Variants in CDH13 observed in about 807,000 individuals in gnomAD.
The protein encoded by CDH13 is cadherin 13.
In CDH13, 24 loss-of-function variants were observed where a neutral mutation model predicts 63.8. The ratio of observed to expected loss-of-function variants is 0.38; its 90% CI spans 0.27 to 0.53. The LOEUF is 0.53. Among genes scored for constraint, CDH13 ranks in the 20% least tolerant of loss-of-function variants. The probability of loss-of-function intolerance (pLI) is 0.85; values close to 1 mark genes in which losing one functional copy is unlikely to be tolerated. For synonymous variants in CDH13, 503 were observed against 355.3 expected, an observed-to-expected ratio of 1.42 and a Z score of -4.67; for missense variants, 1,049 against 903.1, an observed-to-expected ratio of 1.16 and a Z score of -2.07.
At position 83,000,223 on chromosome 16, in the gene CDH13, ATTTTTTTTTTTTTTTTT is replaced by A. The variant is rs746904500; in HGVS notation, c.158-31762_158-31746del. Among the ~76,000 whole-genome samples, 60 of 37,020 alleles carry A rather than the reference ATTTTTTTTTTTTTTTTT, an allele frequency of 1.6e-3. 1 individual carries two copies. The East Asian group carries it at 0.018, about 11-fold the overall frequency. 24.3% of individuals were successfully genotyped at this position (37,020 alleles called of 152,430 possible). A position where few individuals can be genotyped will look rare whatever the true frequency, so the allele number is the denominator to read the frequency against. On this transcript the variant is annotated intron_variant, in intron 2 of 13. Transcript: ENST00000567109. The stretch of plus-strand genomic sequence containing the variant: ...CTAGGAATATCCACAGGTTTAGCTT[ATTTTTTTTTTTTTTTTT>A]TTTTTTTTTTTTTTTTTTTTTTTTG...
intron 10 of CDH13, among the ~76,000 whole-genome samples, chr16:83,707,274 C>CT (rs1411970075): frequency 1.3e-5 from 2 of 152,210 alleles, no homozygotes; most frequent in African/African-American, 2.4e-5. Context: ...GTCCGTAACA[C>CT]TTTCGGTGAG....
chr16:82,921,584 C>G (rs8044572), intron 2 of CDH13, among the ~76,000 whole-genome samples: 121,498 of 152,170 alleles, frequency 0.8, 50,005 homozygotes, highest in Non-Finnish European at 0.87. Context: ...GGTTGCAGGG[C>G]TCAGGATCTG....
At chr16:82,705,783 C>G (rs533815651) in intron 1 of CDH13, among the ~76,000 whole-genome samples, 1 of 152,166 alleles carries the variant, frequency 6.6e-6, no homozygotes, top group Non-Finnish European at 1.5e-5. Flanking sequence ...AGAAGATAGA[C>G]TTGATTGTGC....
chr16:83,089,793 T>C (rs369133876), intron 3 of CDH13, among the ~76,000 whole-genome samples: 24 of 152,160 alleles, frequency 1.6e-4, no homozygotes, highest in Admixed American at 3.3e-4. Context: ...TTTCAGGACT[T>C]ATATAGATGA....
intron 1 of CDH13, among the ~76,000 whole-genome samples, chr16:82,783,831 A>C (rs62034547): frequency 0.3 from 45,120 of 151,836 alleles, 7,267 homozygotes; most frequent in South Asian, 0.45. Context: ...ACAAGGGAAT[A>C]CTGGTAATCA....
chr16:82,766,824 T>A (rs545517054), intron 1 of CDH13, among the ~76,000 whole-genome samples: 58 of 152,302 alleles, frequency 3.8e-4, no homozygotes, highest in African/African-American at 1.4e-3. Flanking sequence ...ACATATAATA[T>A]TGACCTTATA....
rs182626121 is a variant in CDH13, at chr16:83,465,169, A to G, written c.782-21308A>G. 1.5e-4 allele frequency among the ~76,000 whole-genome samples: 23 copies of G among 152,354 alleles called. No homozygotes were observed. The East Asian group carries it at 3.9e-3, about 26-fold the overall frequency. On this transcript the variant is annotated intron_variant, in intron 6 of 13. Transcript: ENST00000567109. ...TAAACAAATGAATTTGTAATGTTTC[A>G]GATGGTGATAAGTTGCAAGAGTAAA...
At chr16:82,732,821 G>C (rs957442031) in intron 1 of CDH13, among the ~76,000 whole-genome samples, 2 of 151,476 alleles carry the variant, frequency 1.3e-5, no homozygotes, top group Non-Finnish European at 2.9e-5. Flanking sequence ...GTTTCATCAA[G>C]AGTTTGTGTC....
At position 83,681,670 on chromosome 16, in the gene CDH13, T is replaced by C. The variant is rs577023449; in HGVS notation, c.1538+3209T>C. On this transcript the variant is annotated intron_variant, in intron 10 of 13. Transcript: ENST00000567109. The stretch of plus-strand genomic sequence containing the variant: ...GGATAACATCACCGACAGGTTGAGC[T>C]ATTGTCATGGGAGCTCTTTGGGAAA... Among the ~76,000 whole-genome samples, 42 of 152,276 alleles carry C rather than the reference T, an allele frequency of 2.8e-4. 1 individual carries two copies. The highest frequency in any genetic ancestry group is 9.6e-4 in the African/African-American group (40 of 41,560).
chr16:83,692,901 G>A (rs1376359799), intron 10 of CDH13, among the ~76,000 whole-genome samples: 1 of 152,030 alleles, frequency 6.6e-6, no homozygotes, highest in Non-Finnish European at 1.5e-5. Context: ...GGCCAATATG[G>A]TGAAACCCCG....
At chr16:83,769,862 G>A (rs1041205327) in intron 11 of CDH13, among the ~76,000 whole-genome samples, 4 of 152,200 alleles carry the variant, frequency 2.6e-5, no homozygotes, top group African/African-American at 4.8e-5. Context: ...AAAGGGCTAG[G>A]TAGGAAGCAG....
chr16:83,760,262 A>G (rs1913855773), intron 11 of CDH13, among the ~76,000 whole-genome samples: 1 of 152,232 alleles, frequency 6.6e-6, no homozygotes, highest in African/African-American at 2.4e-5. Flanking sequence ...AGCTGGTAGA[A>G]GTGTAAATTG....
chr16:82,650,856 A>C (rs17262201), intron 1 of CDH13, among the ~76,000 whole-genome samples: 36,006 of 152,218 alleles, frequency 0.24, 4,392 homozygotes, highest in Middle Eastern at 0.28. Context: ...GTTTGGTTGT[A>C]AGCCCAGTGG....
intron 6 of CDH13, among the ~76,000 whole-genome samples, chr16:83,383,745 C>G (rs199823220): frequency 1.3e-5 from 2 of 152,246 alleles, no homozygotes; most frequent in East Asian, 3.9e-4. Context: ...TGCTTACTTT[C>G]TTATACAATG....
chr16:82,903,054 C>G (rs984912666), intron 2 of CDH13, among the ~76,000 whole-genome samples: 29 of 152,168 alleles, frequency 1.9e-4, no homozygotes, highest in African/African-American at 6.8e-4. Flanking sequence ...CTTACAACAA[C>G]TCTATAAAGA....
intron 10 of CDH13, among the ~76,000 whole-genome samples, chr16:83,745,974 G>A (rs1424037990): frequency 6.6e-6 from 1 of 152,090 alleles, no homozygotes; most frequent in Non-Finnish European, 1.5e-5. Flanking sequence ...GTGGGTTCAG[G>A]GTCGCAGCTC....
At chr16:83,488,387 G>A (rs900647608) in intron 7 of CDH13, among the ~76,000 whole-genome samples, 1 of 152,112 alleles carries the variant, frequency 6.6e-6, no homozygotes, top group African/African-American at 2.4e-5. Flanking sequence ...GGGAAAAAAA[G>A]GAAAAAGAGT....
rs182933995 is a variant in CDH13 at position 83,585,513 on chromosome 16, C to G, written c.961-16941C>G. ...GCTGCTGAGCTTGCTTTGGGCCATG[C>G]TGTGTTTGCAGTGCTCGTGACACAT... On this transcript the variant is annotated intron_variant, in intron 7 of 13. Coordinates refer to ENST00000567109, the MANE Select transcript of CDH13 (RefSeq NM_001257.5). Among the ~76,000 whole-genome samples the G allele has an allele frequency of 1.1e-4, 16 of 152,198 alleles. 1 individual carries two copies. The highest frequency in any genetic ancestry group is 9.8e-4 in the Admixed American group (15 of 15,298).
chr16:83,143,420 C>G (rs575352501), intron 4 of CDH13, among the ~76,000 whole-genome samples: 1 of 152,140 alleles, frequency 6.6e-6, no homozygotes, highest in African/African-American at 2.4e-5. Context: ...TTACATAAAG[C>G]ACATTTTGTG....
Sources: allele counts gnomAD v4.1 joint callset (sites outside exome capture counted in the v4.1 genomes callset), GRCh38; gene constraint gnomAD v4.1.1; transcripts MANE v1.5; gene names NCBI Gene and HGNC (gene_info 2026-07-23, HGNC 2026-07-21).